The following TEK variants were observed in gnomAD, a reference collection of about 807,000 sequenced individuals.
TEK encodes TEK receptor tyrosine kinase, also known as angiopoietin-1 receptor.
TEK carries 43 observed loss-of-function variants against 131.8 expected under a neutral mutation model. That is an observed-to-expected ratio of 0.33 (90% CI 0.26 to 0.42). TEK has a LOEUF of 0.42. Ranked by LOEUF, TEK falls within the 10% of genes least tolerant of loss-of-function variation. The pLI is 1.00. For synonymous variants in TEK, 580 were observed against 491.6 expected (o/e 1.18, Z -2.38); for missense variants, 1,162 against 1,384.4 (o/e 0.84, Z 2.55).
intron 9 of TEK, among the ~76,000 whole-genome samples, chr9:27,187,595 T>C (rs1208710773): frequency 6.6e-6 from 1 of 152,228 alleles, no homozygotes; most frequent in East Asian, 1.9e-4. Flanking sequence ...AATTGTAGTA[T>C]ATTCATATGT....
chr9:27,139,374 C>T (rs1269213343), intron 1 of TEK, among the ~76,000 whole-genome samples: 3 of 118,298 alleles, frequency 2.5e-5, no homozygotes, highest in African/African-American at 1.0e-4. Context: ...GTCGCCCAGG[C>T]TGGAGTGCAG....
At chr9:27,194,505 C>T (rs966859099) in intron 11 of TEK, among the ~76,000 whole-genome samples, 1 of 152,188 alleles carries the variant, frequency 6.6e-6, no homozygotes, top group African/African-American at 2.4e-5. Flanking sequence ...CCTCTACAAC[C>T]ATGACCCAAG....
At position 27,207,751 on chromosome 9, in the gene TEK, C is replaced by CT. The variant is rs572162457; in HGVS notation, c.2575+968dup. ...TCTCTAAGGATGCTGGCAGATTTTT[C>CT]TTTTTTTTTGGACCACACTATTGAA... On this transcript the variant is annotated intron_variant, in intron 15 of 22. Coordinates refer to ENST00000380036, the MANE Select transcript of TEK (RefSeq NM_000459.5). Among the ~76,000 whole-genome samples the CT allele has an allele frequency of 1.1e-3, 173 of 151,306 alleles. 1 individual carries two copies. The highest frequency in any genetic ancestry group is 1.5e-3 in the Admixed American group (23 of 15,146).
intron 8 of TEK, among the ~76,000 whole-genome samples, chr9:27,185,217 T>A (rs1243219727): frequency 2.0e-5 from 3 of 152,134 alleles, no homozygotes; most frequent in Non-Finnish European, 4.4e-5. Context: ...GAAATCATGC[T>A]TCAGGTGTCT....
chr9:27,142,936 T>C (rs1822782772), intron 1 of TEK, among the ~76,000 whole-genome samples: 1 of 152,250 alleles, frequency 6.6e-6, no homozygotes, highest in African/African-American at 2.4e-5. Context: ...GTTAAAGCTA[T>C]TGTTAATGAT....
intron 1 of TEK, among the ~76,000 whole-genome samples, chr9:27,123,009 C>T (rs971764081): frequency 4.2e-5 from 6 of 141,396 alleles, no homozygotes; most frequent in Middle Eastern, 3.7e-3. Context: ...GCCGAGATGG[C>T]GCCACTGCAC....
At chr9:27,149,815 AG>A (rs1437283138) in intron 1 of TEK, among the ~76,000 whole-genome samples, 5 of 152,124 alleles carry the variant, frequency 3.3e-5, no homozygotes, top group Non-Finnish European at 5.9e-5. Flanking sequence ...GGAACTTGGC[AG>A]GTAATTGAAT....
intron 21 of TEK, among the ~76,000 whole-genome samples, chr9:27,221,226 T>TTCTA (rs2131249953): frequency 6.6e-6 from 1 of 152,344 alleles, no homozygotes; most frequent in Admixed American, 6.5e-5. Context: ...TCTAGATTCT[T>TTCTA]TCTATCTGGG....
At chr9:27,171,316 T>C (rs911250762) in intron 4 of TEK, among the ~76,000 whole-genome samples, 2 of 152,172 alleles carry the variant, frequency 1.3e-5, no homozygotes, top group Non-Finnish European at 2.9e-5. Flanking sequence ...CCTCTAACGA[T>C]TGCCATCTCC....
chr9:27,115,245 T>C (rs939539761), intron 1 of TEK, among the ~76,000 whole-genome samples: 1 of 152,178 alleles, frequency 6.6e-6, no homozygotes, highest in Admixed American at 6.5e-5. Flanking sequence ...ACACCTGTAA[T>C]CCTAGCATTT....
Position 27,220,139 on chromosome 9 carries a change from A to T in TEK, c.3194A>T (p.Asp1065Val). Residue 1065 changes from aspartate to valine, a missense_variant, in exon 21 of 23, where the codon GAT becomes GTT. Asp to Val is a radical substitution (Grantham distance 152). Transcript: ENST00000380036. ...CTGGAGAAGCCCCTGAACTGTGATG[A>T]TGAGGTGTAAGTCAGGCCTCATCCT... ...YRLEKPLNCD[D>V]EVYDLMRQCW... 1 of 1,613,806 alleles carries T rather than the reference A, an allele frequency of 6.2e-7. No homozygotes were observed. Among genetic ancestry groups the T allele is most frequent in the Non-Finnish European group, 8.5e-7 (1 of 1,179,958 alleles).
Position 27,228,730 on chromosome 9 carries a change from G to A in TEK, c.3300+425G>A, listed in dbSNP as rs186261766. Among the ~76,000 whole-genome samples the A allele has an allele frequency of 1.3e-4, 20 of 152,246 alleles. No homozygotes were observed. The East Asian group carries it at 1.5e-3, about 12-fold the overall frequency. On this transcript the variant is annotated intron_variant, in intron 22 of 22. Transcript: ENST00000380036. ...TTTCTAGAAGTAAGTTGGCTGTACC[G>A]ATCTGGGAGTCAAAATAAAAGTAAA...
intron 1 of TEK, among the ~76,000 whole-genome samples, chr9:27,121,216 A>G (rs1421968075): frequency 2.0e-5 from 3 of 152,110 alleles, no homozygotes; most frequent in African/African-American, 7.2e-5. Flanking sequence ...AGTCCCAGCT[A>G]CTTGGGAGGC....
chr9:27,128,724 A>G (rs1354695323), intron 1 of TEK, among the ~76,000 whole-genome samples: 1 of 151,994 alleles, frequency 6.6e-6, no homozygotes, highest in African/African-American at 2.4e-5. Flanking sequence ...TAGGTATTTT[A>G]TTCTCTTTGT....
chr9:27,177,140 C>T (rs993299411), intron 6 of TEK, among the ~76,000 whole-genome samples: 3 of 152,162 alleles, frequency 2.0e-5, no homozygotes, highest in Non-Finnish European at 1.5e-5. Flanking sequence ...GTAAGCAATG[C>T]TGCAATGGAC....
At chr9:27,193,258 C>G (rs1257703560) in intron 11 of TEK, among the ~76,000 whole-genome samples, 1 of 152,104 alleles carries the variant, frequency 6.6e-6, no homozygotes, top group African/African-American at 2.4e-5. Flanking sequence ...GTTCTCAAAC[C>G]TAAGTGTCCA....
At chr9:27,121,014 G>C (rs1008715158) in intron 1 of TEK, among the ~76,000 whole-genome samples, 3 of 152,224 alleles carry the variant, frequency 2.0e-5, no homozygotes, top group Non-Finnish European at 4.4e-5. Context: ...AGCTGACGAA[G>C]AAATGCTTTA....
In TEK at chr9:27,159,561, G is replaced by A. The variant is rs145076196; in HGVS notation, c.364+1419G>A. 3.9e-3 allele frequency among the ~76,000 whole-genome samples: 594 copies of A among 152,188 alleles called. 7 individuals are homozygous for A. Among genetic ancestry groups the A allele is most frequent in the African/African-American group, 0.014 (580 of 41,522 alleles). On this transcript the variant is annotated intron_variant, in intron 2 of 22. Transcript: ENST00000380036. ...GCTCAGAAAACACCAGAATTTTGCC[G>A]GAGGATTTTGAAAGCCTCCTCTAAG...
chr9:27,176,064 T>A (rs757826574), intron 6 of TEK, among the ~76,000 whole-genome samples: 12 of 152,196 alleles, frequency 7.9e-5, no homozygotes, highest in Non-Finnish European at 1.3e-4. Context: ...CTAATATTCT[T>A]CCAGACTCCT....
Sources: allele counts gnomAD v4.1 joint callset (sites outside exome capture counted in the v4.1 genomes callset), GRCh38; gene constraint gnomAD v4.1.1; transcripts MANE v1.5; gene names NCBI Gene and HGNC (gene_info 2026-07-23, HGNC 2026-07-21).